The following MMP26 variants were observed in gnomAD, a reference collection of about 807,000 sequenced individuals.
MMP26 encodes the protein matrix metalloproteinase-26.
A neutral mutation model predicts 31.0 loss-of-function variants in MMP26; 33 were observed. That is an observed-to-expected ratio of 1.06 (90% CI 0.81 to 1.42). The LOEUF (loss-of-function observed/expected upper bound fraction) is 1.42. Among genes scored for constraint, MMP26 ranks in the 40% most tolerant of loss-of-function variants. The pLI, the probability that MMP26 is intolerant of heterozygous loss-of-function variation, is 0.00. For synonymous variants in MMP26, 122 were observed against 114.9 expected, an observed-to-expected ratio of 1.06 and a Z score of -0.40; for missense variants, 347 against 316.1, an observed-to-expected ratio of 1.10 and a Z score of -0.74.
intron 2 of MMP26, among the ~76,000 whole-genome samples, chr11:4,861,384 T>C (rs1161705402): frequency 2.0e-5 from 3 of 150,990 alleles, no homozygotes; most frequent in Non-Finnish European, 4.4e-5. Flanking sequence ...GTACTCTATA[T>C]ATATACATAC....
intron 2 of MMP26, chr11:4,848,444 C>A (rs749718779): frequency 1.9e-6 from 3 of 1,613,752 alleles, no homozygotes; most frequent in Non-Finnish European, 2.5e-6. Flanking sequence ...AGAAGAGGAG[C>A]ACTGCAGAGA....
intron 2 of MMP26, chr11:4,830,385 A>T (rs1849630616): frequency 6.6e-6 from 1 of 152,244 alleles, no homozygotes; most frequent in African/African-American, 2.4e-5. Flanking sequence ...CTAAGAGATC[A>T]AGCTACATTT....
chr11:4,922,980 T>A (rs536752535), intron 2 of MMP26, among the ~76,000 whole-genome samples: 2 of 152,334 alleles, frequency 1.3e-5, no homozygotes, highest in South Asian at 4.1e-4. Flanking sequence ...AAAAATATGT[T>A]TAAACAGTTA....
At chr11:4,946,933 G>C (rs1846320338) in intron 2 of MMP26, 1 of 1,606,356 alleles carries the variant, frequency 6.2e-7, no homozygotes, top group African/African-American at 1.4e-5. Context: ...GCTCATGCAA[G>C]GAGGGCTCTG....
At chr11:4,762,435 C>A (rs1208886897) in intron 1 of MMP26, among the ~76,000 whole-genome samples, 1 of 152,072 alleles carries the variant, frequency 6.6e-6, no homozygotes. Flanking sequence ...CCTCTTAATA[C>A]AGTTTTGCAA....
chr11:4,713,943 G>C (rs550977671), intron 1 of MMP26, among the ~76,000 whole-genome samples: 1 of 152,228 alleles, frequency 6.6e-6, no homozygotes, highest in African/African-American at 2.4e-5. Flanking sequence ...CCATGAAGTA[G>C]AATGAGCCCT....
At chr11:4,898,835 G>C (rs879754885) in intron 2 of MMP26, among the ~76,000 whole-genome samples, 460 of 28,812 alleles carry the variant, frequency 0.016, no homozygotes, top group East Asian at 0.055. Context: ...CTCTCTCTGT[G>C]TGTGTGTGTG....
At chr11:4,967,549 C>G (rs917383296) in intron 2 of MMP26, among the ~76,000 whole-genome samples, 1 of 152,138 alleles carries the variant, frequency 6.6e-6, no homozygotes, top group Non-Finnish European at 1.5e-5. Flanking sequence ...GTTCCTGTAC[C>G]TACCAGAAAG....
intron 2 of MMP26, chr11:4,946,000 A>C: frequency 1.4e-6 from 1 of 698,780 alleles, no homozygotes; most frequent in South Asian, 1.9e-5. Flanking sequence ...CTTCCTGTTT[A>C]TAGTTCTATT....
At chr11:4,966,987 G>T (rs1007925497) in intron 2 of MMP26, among the ~76,000 whole-genome samples, 2 of 152,176 alleles carry the variant, frequency 1.3e-5, no homozygotes, top group Non-Finnish European at 2.9e-5. Flanking sequence ...CATTTGCAAG[G>T]CCTCTAGTGA....
At chr11:4,804,685 C>T in intron 2 of MMP26, 1 of 440,022 alleles carries the variant, frequency 2.3e-6, no homozygotes, top group Non-Finnish European at 4.5e-6. Context: ...TGGCTTACAC[C>T]TATAATCCTA....
chr11:4,854,811 C>T (rs1390933891), intron 2 of MMP26, among the ~76,000 whole-genome samples: 1 of 152,214 alleles, frequency 6.6e-6, no homozygotes, highest in Non-Finnish European at 1.5e-5. Context: ...GAGACATCCC[C>T]CAGTAGGGGC....
intron 2 of MMP26, among the ~76,000 whole-genome samples, chr11:4,802,659 AAGTAT>A (rs1849199222): frequency 6.6e-6 from 1 of 152,190 alleles, no homozygotes; most frequent in Non-Finnish European, 1.5e-5. Context: ...AAATACACTA[AAGTAT>A]AAAAATATAA....
At chr11:4,861,059 T>TTTTA (rs1554887593) in intron 2 of MMP26, among the ~76,000 whole-genome samples, 70 of 92,252 alleles carry the variant, frequency 7.6e-4, no homozygotes, top group South Asian at 2.0e-3. Flanking sequence ...TATAAGGGTA[T>TTTTA]TATATATATA....
chr11:4,908,320 A>G (rs1004210921), intron 2 of MMP26: 15 of 1,605,076 alleles, frequency 9.3e-6, no homozygotes, highest in African/African-American at 2.7e-5. Context: ...AACTTGAACA[A>G]TTAGGTAATA....
intron 1 of MMP26, among the ~76,000 whole-genome samples, chr11:4,741,578 C>T (rs558357926): frequency 2.3e-5 from 3 of 131,404 alleles, no homozygotes; most frequent in East Asian, 2.4e-4. Flanking sequence ...TGTTCTCGCT[C>T]ATAAGTGGGA....
chr11:4,789,304 T>C (rs74052308), intron 2 of MMP26, among the ~76,000 whole-genome samples: 3,236 of 152,224 alleles, frequency 0.021, 112 homozygotes, highest in African/African-American at 0.074. Context: ...CATTTTATTG[T>C]AATTAAATTG....
At chr11:4,813,184 T>A (rs1435531588) in intron 2 of MMP26, among the ~76,000 whole-genome samples, 1 of 152,138 alleles carries the variant, frequency 6.6e-6, no homozygotes, top group Non-Finnish European at 1.5e-5. Flanking sequence ...TTTTATGTCA[T>A]CATTTATAAA....
In MMP26 at chr11:4,893,525, A is replaced by G. The variant is rs563899692; in HGVS notation, c.-144-94543A>G. 2.0e-5 allele frequency among the ~76,000 whole-genome samples: 3 copies of G among 152,208 alleles called. No homozygotes were observed. The East Asian group carries it at 5.8e-4, about 29-fold the overall frequency. On this transcript the variant is annotated intron_variant, in intron 2 of 7. Coordinates refer to ENST00000380390, the MANE Select transcript of MMP26 (RefSeq NM_021801.5). The stretch of plus-strand genomic sequence containing the variant: ...CACTCTTCAAAAGTCATGTCCTCAG[A>G]AAGGTCTGCTTTGAACACCCTCACT...
Sources: gnomAD v4.1 joint callset for allele counts (sites outside exome capture counted in the v4.1 genomes callset) on GRCh38, gnomAD v4.1.1 for gene constraint, MANE v1.5 for transcripts, NCBI Gene and HGNC (gene_info 2026-07-23, HGNC 2026-07-21) for gene names.